MYO1E: variants seen among roughly 807,000 people sequenced by gnomAD.
The protein encoded by MYO1E is myosin IE.
In MYO1E, 68 loss-of-function variants were observed where a neutral mutation model predicts 151.1. The observed-to-expected ratio is 0.45, with a 90% confidence interval of 0.37 to 0.55. The LOEUF is 0.55. MYO1E is among the 20% of genes least tolerant of loss of function. The pLI, the probability that MYO1E is intolerant of heterozygous loss-of-function variation, is 0.00. For missense variants in MYO1E, 1,363 were observed against 1,389.3 expected (o/e 0.98, Z 0.30); for synonymous variants, 601 against 501.7 (o/e 1.20, Z -2.64).
At chr15:59,345,152 T>C (rs12905793) in intron 1 of MYO1E, among the ~76,000 whole-genome samples, 108,929 of 151,884 alleles carry the variant, frequency 0.72, 42,792 homozygotes, top group Non-Finnish European at 0.88. Context: ...ATTAAACACA[T>C]TGAGCCCACT....
intron 22 of MYO1E, chr15:59,171,283 G>A (rs2140315730): frequency 6.2e-6 from 1 of 160,514 alleles, no homozygotes; most frequent in African/African-American, 2.4e-5. Context: ...AGGAGATGCT[G>A]ACGGCCGGCA....
chr15:59,360,246 G>A (rs2080877710), intron 1 of MYO1E, among the ~76,000 whole-genome samples: 1 of 152,080 alleles, frequency 6.6e-6, no homozygotes, highest in South Asian at 2.1e-4. Context: ...CTCGATTCAC[G>A]TCTTGACGAG....
intron 1 of MYO1E, among the ~76,000 whole-genome samples, chr15:59,371,111 T>C (rs1212100791): frequency 6.6e-6 from 1 of 152,208 alleles, no homozygotes. Flanking sequence ...TTGGACTATG[T>C]AAAAAGAAAA....
rs1596364503 is a variant in MYO1E, at chr15:59,206,215, G to A, written c.1531-730C>T. Among the ~76,000 whole-genome samples the A allele has an allele frequency of 2.0e-5, 3 of 152,278 alleles. No individual in the cohort carries two copies. The South Asian group carries it at 6.2e-4, about 32-fold the overall frequency. On this transcript the variant is annotated intron_variant, in intron 14 of 27. Coordinates refer to ENST00000288235, the MANE Select transcript of MYO1E (RefSeq NM_004998.4). ...CTACCAGTAGGCATGGGGAGACAAG[G>A]AATGCCAGTCTGTGATTCCAGCAAG... is the stretch of plus-strand genomic sequence containing the variant.
intron 19 of MYO1E, among the ~76,000 whole-genome samples, chr15:59,174,532 G>C (rs543670788): frequency 6.6e-6 from 1 of 152,258 alleles, no homozygotes; most frequent in South Asian, 2.1e-4. Context: ...AGAATCGAAT[G>C]AGCGATTCAA....
chr15:59,327,239 C>T (rs1048515577), intron 1 of MYO1E, among the ~76,000 whole-genome samples: 1 of 152,148 alleles, frequency 6.6e-6, no homozygotes, highest in South Asian at 2.1e-4. Flanking sequence ...CCAGTGCAGC[C>T]GTGGCTCACC....
At chr15:59,252,504 C>A (rs1336102205) in intron 4 of MYO1E, among the ~76,000 whole-genome samples, 1 of 152,164 alleles carries the variant, frequency 6.6e-6, no homozygotes, top group Non-Finnish European at 1.5e-5. Flanking sequence ...TACCTGAGGT[C>A]AGGAGTTTGA....
chr15:59,322,485 G>A (rs1158061208), intron 1 of MYO1E, among the ~76,000 whole-genome samples: 1 of 152,172 alleles, frequency 6.6e-6, no homozygotes, highest in Admixed American at 6.5e-5. Flanking sequence ...TTTTTCACTA[G>A]AGAAGACCAA....
chr15:59,157,288 ATTACT>A (rs1344317132), intron 25 of MYO1E, among the ~76,000 whole-genome samples: 1 of 152,184 alleles, frequency 6.6e-6, no homozygotes, highest in Admixed American at 6.5e-5. Flanking sequence ...ACTCTCAGAT[ATTACT>A]TTGTTTTTTT....
At chr15:59,296,038 G>C (rs2080446591) in intron 1 of MYO1E, among the ~76,000 whole-genome samples, 1 of 152,084 alleles carries the variant, frequency 6.6e-6, no homozygotes, top group Admixed American at 6.6e-5. Context: ...AAAACAAACA[G>C]CTCTTTAAAA....
Position 59,159,783 on chromosome 15 carries a change from T to C in MYO1E, c.2785+1290A>G, listed in dbSNP as rs547593835. On this transcript the variant is annotated intron_variant, in intron 24 of 27. Coordinates refer to ENST00000288235, the MANE Select transcript of MYO1E (RefSeq NM_004998.4). This position sits in a 1 kb window ranked among gnomAD's most constrained non-coding sequence, Gnocchi z 4.4. ...GATATGATGGCATTTGCTGGTATTG[T>C]ATTAATATGTTAGAGAACATGTTAA... Among the ~76,000 whole-genome samples, 10 of 152,338 alleles carry C rather than the reference T, an allele frequency of 6.6e-5. No homozygotes were observed. Among genetic ancestry groups the C allele is most frequent in the Non-Finnish European group, 1.5e-4 (10 of 68,030 alleles).
chr15:59,163,696 C>T (rs1186726587), intron 22 of MYO1E, among the ~76,000 whole-genome samples: 1 of 152,072 alleles, frequency 6.6e-6, no homozygotes, highest in Non-Finnish European at 1.5e-5. Flanking sequence ...ATTTAAGTTC[C>T]AAGTTAGTAT....
At chr15:59,261,870 T>A (rs1364390561) in intron 2 of MYO1E, among the ~76,000 whole-genome samples, 1 of 152,224 alleles carries the variant, frequency 6.6e-6, no homozygotes, top group African/African-American at 2.4e-5. Flanking sequence ...GATATGCATT[T>A]TTTCCTTTGA....
intron 18 of MYO1E, among the ~76,000 whole-genome samples, chr15:59,182,585 A>C (rs142006921): frequency 6.6e-6 from 1 of 152,174 alleles, no homozygotes; most frequent in East Asian, 1.9e-4. Flanking sequence ...AGACAAGGCT[A>C]TTTGTCTGTT....
At chr15:59,221,344 A>G (rs1031442957) in intron 9 of MYO1E, among the ~76,000 whole-genome samples, 2 of 152,102 alleles carry the variant, frequency 1.3e-5, no homozygotes, top group Non-Finnish European at 2.9e-5. Context: ...CAACTGTAGA[A>G]CATTGCAGTA....
In MYO1E at chr15:59,249,342, T is replaced by G. The variant is rs140796516; in HGVS notation, c.332+6942A>C. Among the ~76,000 whole-genome samples the G allele has an allele frequency of 5.4e-4, 82 of 151,460 alleles. No homozygotes were observed. In the Middle Eastern group the frequency reaches 0.014, roughly 25 times the overall value. ...CAGAAGGCTGAGGCAAGAAAATCAC[T>G]TGTACCTGGGAGGCAGAGGTTGCAG... On this transcript the variant is annotated intron_variant, in intron 4 of 27. Transcript: ENST00000288235.
chr15:59,160,334 T>TGC (rs753447372), intron 24 of MYO1E, among the ~76,000 whole-genome samples: 7 of 117,680 alleles, frequency 5.9e-5, no homozygotes, highest in Admixed American at 1.8e-4. Context: ...TTTGAGGTAG[T>TGC]GCGTGTGTGT....
intron 12 of MYO1E, among the ~76,000 whole-genome samples, chr15:59,213,736 C>T (rs554683562): frequency 6.6e-6 from 1 of 152,238 alleles, no homozygotes; most frequent in South Asian, 2.1e-4. Flanking sequence ...GCTAGGATTA[C>T]AGGCACGAGC....
chr15:59,349,439 CAT>C (rs1296565632), intron 1 of MYO1E, among the ~76,000 whole-genome samples: 1 of 152,064 alleles, frequency 6.6e-6, no homozygotes, highest in Non-Finnish European at 1.5e-5. Context: ...AGCAATCTAC[CAT>C]ATAAAAAAGG....
Sources: gnomAD v4.1 joint callset for allele counts (sites outside exome capture counted in the v4.1 genomes callset) on GRCh38, gnomAD v4.1.1 for gene constraint, Gnocchi (gnomAD v3.1) non-coding constraint, MANE v1.5 for transcripts, NCBI Gene and HGNC (gene_info 2026-07-23, HGNC 2026-07-21) for gene names.